UCK2: variants seen among roughly 807,000 people sequenced by gnomAD.
UCK2 encodes the protein uridine-cytidine kinase 2, also known as cytidine monophosphokinase 2.
A neutral mutation model predicts 30.8 loss-of-function variants in UCK2; 6 were observed. The observed-to-expected ratio is 0.19, with a 90% CI of 0.11 to 0.38. The LOEUF (loss-of-function observed/expected upper bound fraction) is 0.38, where lower values mean the gene tolerates loss of function less well. Ranked by LOEUF, UCK2 falls within the 10% of genes least tolerant of loss-of-function variation. The pLI is 1.00. For synonymous variants in UCK2, 125 were observed against 133.6 expected, an observed-to-expected ratio of 0.94 and a Z score of 0.45; for missense variants, 210 against 339.8, an observed-to-expected ratio of 0.62 and a Z score of 3.00.
At chr1:165,844,878 A>G (rs1654411766) in intron 1 of UCK2, among the ~76,000 whole-genome samples, 1 of 152,242 alleles carries the variant, frequency 6.6e-6, no homozygotes, top group African/African-American at 2.4e-5. Context: ...CACATGCCTC[A>G]CCCTTTGCGT....
At chr1:165,863,149 A>G (rs546856857) in intron 1 of UCK2, among the ~76,000 whole-genome samples, 4 of 152,306 alleles carry the variant, frequency 2.6e-5, no homozygotes, top group South Asian at 4.1e-4. Context: ...CTGAAGATCT[A>G]CTTTGCAGAT....
intron 1 of UCK2, among the ~76,000 whole-genome samples, chr1:165,889,235 T>TGG (rs1046455332): frequency 1.7e-4 from 26 of 152,242 alleles, no homozygotes. Context: ...GGCTGTGGAC[T>TGG]GGAGCAAAAG....
At chr1:165,852,674 A>T in intron 1 of UCK2, among the ~76,000 whole-genome samples, 1 of 152,326 alleles carries the variant, frequency 6.6e-6, no homozygotes, top group South Asian at 2.1e-4. Flanking sequence ...GGACCCATAT[A>T]TTTAGTCCCA....
intron 1 of UCK2, among the ~76,000 whole-genome samples, chr1:165,848,828 C>T (rs1003962921): frequency 5.3e-5 from 8 of 152,128 alleles, no homozygotes; most frequent in Non-Finnish European, 1.0e-4. Flanking sequence ...TAAGTTTCTA[C>T]CCATAGAAAT....
chr1:165,889,451 CT>C (rs1655705479), intron 1 of UCK2, among the ~76,000 whole-genome samples: 1 of 152,222 alleles, frequency 6.6e-6, no homozygotes, highest in Non-Finnish European at 1.5e-5. Flanking sequence ...TTTCTGCTGC[CT>C]TTTTTGTCTG....
intron 1 of UCK2, among the ~76,000 whole-genome samples, chr1:165,884,217 G>A (rs1655565607): frequency 6.6e-6 from 1 of 152,226 alleles, no homozygotes; most frequent in Admixed American, 6.5e-5. Context: ...TGGCCTTCAA[G>A]CATTCTTCTC....
chr1:165,876,975 T>C (rs1655353133), intron 1 of UCK2, among the ~76,000 whole-genome samples: 1 of 152,240 alleles, frequency 6.6e-6, no homozygotes, highest in Non-Finnish European at 1.5e-5. Context: ...CATCTCAAGA[T>C]ATTTAACTTA....
intron 1 of UCK2, among the ~76,000 whole-genome samples, chr1:165,884,335 C>T (rs1237362593): frequency 6.6e-6 from 1 of 152,252 alleles, no homozygotes; most frequent in African/African-American, 2.4e-5. Flanking sequence ...TCCCTCTGAG[C>T]AGCCCTCCCT....
chr1:165,907,451 T>C (rs1404063129), intron 6 of UCK2, among the ~76,000 whole-genome samples: 2 of 152,198 alleles, frequency 1.3e-5, no homozygotes, highest in Non-Finnish European at 2.9e-5. Context: ...GGGCTTACTC[T>C]GTGGTAGGCA....
chr1:165,828,464 G>T (rs1033592802), intron 1 of UCK2, among the ~76,000 whole-genome samples: 3 of 152,254 alleles, frequency 2.0e-5, no homozygotes, highest in African/African-American at 7.2e-5. Flanking sequence ...GGAGCCCAGT[G>T]TGGGGCTGCA....
intron 1 of UCK2, among the ~76,000 whole-genome samples, chr1:165,837,941 A>G (rs1027852449): frequency 6.6e-6 from 1 of 152,152 alleles, no homozygotes; most frequent in African/African-American, 2.4e-5. Context: ...GTTATCCTTG[A>G]CTACTCTTTA....
At chr1:165,874,614 G>T (rs1394939941) in intron 1 of UCK2, among the ~76,000 whole-genome samples, 1 of 152,112 alleles carries the variant, frequency 6.6e-6, no homozygotes, top group Non-Finnish European at 1.5e-5. Context: ...TTCTTAGCCT[G>T]GAACTCCAAA....
intron 1 of UCK2, among the ~76,000 whole-genome samples, chr1:165,883,597 T>G (rs756698572): frequency 9.2e-5 from 14 of 152,132 alleles, no homozygotes; most frequent in Non-Finnish European, 1.8e-4. Flanking sequence ...AGTAATTTAG[T>G]GAGTTTTTAA....
intron 1 of UCK2, among the ~76,000 whole-genome samples, chr1:165,832,998 A>G (rs574143816): frequency 1.1e-4 from 17 of 152,118 alleles, no homozygotes; most frequent in Non-Finnish European, 2.2e-4. Flanking sequence ...ATAGGATAAG[A>G]GAGGAGATGC....
chr1:165,863,172 G>C (rs1200297051), intron 1 of UCK2, among the ~76,000 whole-genome samples: 4 of 152,200 alleles, frequency 2.6e-5, no homozygotes, highest in Non-Finnish European at 5.9e-5. Flanking sequence ...ACCCCATAAG[G>C]ATTTATGCAC....
chr1:165,830,257 G>T (rs536635157), intron 1 of UCK2, among the ~76,000 whole-genome samples: 45 of 151,632 alleles, frequency 3.0e-4, no homozygotes, highest in African/African-American at 1.1e-3. Context: ...GCCCGCCTCT[G>T]CCTCCCAAAG....
At chr1:165,857,931 T>A (rs1654792687) in intron 1 of UCK2, among the ~76,000 whole-genome samples, 1 of 152,206 alleles carries the variant, frequency 6.6e-6, no homozygotes, top group South Asian at 2.1e-4. Flanking sequence ...TAGGAGAGAC[T>A]GTCTGTATCT....
chr1:165,841,107 G>GTATATA (rs1354935238), intron 1 of UCK2, among the ~76,000 whole-genome samples: 1 of 24,250 alleles, frequency 4.1e-5, no homozygotes, highest in African/African-American at 7.0e-5. Context: ...ATGTGTGTGT[G>GTATATA]TGTGTATATA....
chr1:165,833,784 T>C (rs138331966), intron 1 of UCK2, among the ~76,000 whole-genome samples: 151 of 152,248 alleles, frequency 9.9e-4, no homozygotes, highest in Admixed American at 2.2e-3. Context: ...TATTTTAAAA[T>C]CAATAAAAAG....
Sources: allele counts gnomAD v4.1 joint callset (sites outside exome capture counted in the v4.1 genomes callset), GRCh38; gene constraint gnomAD v4.1.1; transcripts MANE v1.5; gene names NCBI Gene and HGNC (gene_info 2026-07-23, HGNC 2026-07-21).